The following NOLC1 variants were observed in gnomAD, a reference collection of about 807,000 sequenced individuals.
The protein encoded by NOLC1 is nucleolar and coiled-body phosphoprotein 1, also known as 140 kDa nucleolar phosphoprotein.
NOLC1 carries 37 observed loss-of-function variants against 73.4 expected under a neutral mutation model. The ratio of observed to expected loss-of-function variants is 0.50; its 90% confidence interval spans 0.39 to 0.66. The LOEUF is 0.66. NOLC1 is among the 30% of genes least tolerant of loss of function. The pLI, the probability that NOLC1 is intolerant of heterozygous loss-of-function variation, is 0.00. For synonymous variants in NOLC1, 327 were observed against 302.6 expected (o/e 1.08, Z -0.84); for missense variants, 921 against 838.9 (o/e 1.10, Z -1.21).
At position 102,160,605 on chromosome 10, in the gene NOLC1, C is replaced by T. The variant is rs1023578646; in HGVS notation, c.1253C>T (p.Thr418Met). ...QPVGGGQKLL[T>M]RKADSSSSEE... ...GTGGGCGGTGGCCAGAAGCTTCTGA[C>T]GAGAAAGGCTGACAGCAGCTCCAGT... The change falls in exon 10 of 13, where the codon ACG becomes ATG. Residue 418 changes from threonine to methionine, a missense_variant. By Grantham distance (81) the Thr-to-Met change is moderately conservative. Transcript: ENST00000605788. 14 of 1,614,032 alleles carry T rather than the reference C, an allele frequency of 8.7e-6. No homozygotes were observed. The highest frequency in any genetic ancestry group is 1.6e-4 in the Middle Eastern group (1 of 6,084).
chr10:102,158,956 A>G (rs1242237864), intron 5 of NOLC1, among the ~76,000 whole-genome samples: 1 of 149,586 alleles, frequency 6.7e-6, no homozygotes, highest in Non-Finnish European at 1.5e-5. Context: ...TTAGCTGGGC[A>G]TGGTGGTGGG....
Position 102,159,941 on chromosome 10 carries a change from A to G in NOLC1, c.905A>G (p.Lys302Arg). Residue 302 changes from lysine to arginine, a missense_variant, in exon 8 of 13, where the codon AAG becomes AGG. Physicochemically the swap from Lys to Arg is conservative, Grantham distance 26. Coordinates refer to ENST00000605788, the MANE Select transcript of NOLC1 (RefSeq NM_004741.5). The part of the protein sequence containing the change: ...VPPPSAPPPK[K>R]SLGTQPPKKA... Reference sequence around the variant, plus strand: ...CCGCCTTCTGCTCCCCCACCAAAGAAGTCTCTGGGAACCCAGCCTCCCAAG... The same window carrying G: ...CCGCCTTCTGCTCCCCCACCAAAGAGGTCTCTGGGAACCCAGCCTCCCAAG... 6.2e-7 allele frequency: 1 copy of G among 1,609,766 alleles called. No homozygotes were observed. Among genetic ancestry groups the G allele is most frequent in the Non-Finnish European group, 8.5e-7 (1 of 1,178,018 alleles).
intron 1 of NOLC1, among the ~76,000 whole-genome samples, chr10:102,154,665 A>T (rs1385344327): frequency 2.6e-5 from 4 of 152,016 alleles, no homozygotes; most frequent in Non-Finnish European, 5.9e-5. Context: ...AATAGCTGGG[A>T]TTACAGGCGC....
chr10:102,155,006 C>T (rs901770837), intron 1 of NOLC1, among the ~76,000 whole-genome samples: 13 of 151,570 alleles, frequency 8.6e-5, no homozygotes, highest in East Asian at 3.9e-4. Context: ...CAGACATGTA[C>T]CACCACACCT....
chr10:102,157,728 G>A (rs956855971), intron 4 of NOLC1, among the ~76,000 whole-genome samples, 173 bp downstream of exon 4: 1 of 152,180 alleles, frequency 6.6e-6, no homozygotes, highest in African/African-American at 2.4e-5. Flanking sequence ...TGGAAGGGAT[G>A]TGTGAGGTTG....
intron 7 of NOLC1, 82 bp downstream of exon 7, chr10:102,159,650 G>T: frequency 7.3e-7 from 1 of 1,369,052 alleles, no homozygotes; most frequent in Non-Finnish European, 1.0e-6. Flanking sequence ...CCATAGAGGT[G>T]CATGAGCGTC....
chr10:102,153,617 CGG>C (rs916649010), intron 1 of NOLC1, among the ~76,000 whole-genome samples: 1 of 149,924 alleles, frequency 6.7e-6, no homozygotes, highest in African/African-American at 2.4e-5. Context: ...AAGGAGACTG[CGG>C]AGAGTGCTTT....
chr10:102,154,238 ATTTT>A (rs71016366), intron 1 of NOLC1, among the ~76,000 whole-genome samples: 4 of 126,412 alleles, frequency 3.2e-5, no homozygotes, highest in African/African-American at 1.2e-4. Flanking sequence ...TGCCTGGCTA[ATTTT>A]TTTTTTTTTT....
intron 1 of NOLC1, among the ~76,000 whole-genome samples, chr10:102,156,770 T>C (rs1039207993): frequency 6.6e-6 from 1 of 152,056 alleles, no homozygotes; most frequent in Non-Finnish European, 1.5e-5. Flanking sequence ...CTTTGATCAA[T>C]ATAGATTGGC....
At chr10:102,155,392 AAG>A (rs35854290) in intron 1 of NOLC1, among the ~76,000 whole-genome samples, 22 of 151,024 alleles carry the variant, frequency 1.5e-4, no homozygotes, top group Non-Finnish European at 2.4e-4. Flanking sequence ...AAAAAAAAAA[AAG>A]AGAGAGAGAG....
chr10:102,162,210 A>G lies in NOLC1; in HGVS notation c.2041A>G (p.Ser681Gly), dbSNP rs199843207. ...TGAGAAAACCAAGAAGAAGCGGGGC[A>G]GCTACCGGGGAGGCTCAATCTCTGT... ...RHEKTKKKRG[S>G]YRGGSISVQV... is the part of the protein sequence containing the mutation. Residue 681 changes from serine to glycine, a missense_variant, in exon 13 of 13, where the codon AGC becomes GGC. Coordinates refer to ENST00000605788, the MANE Select transcript of NOLC1 (RefSeq NM_004741.5). 3.0e-5 allele frequency: 49 copies of G among 1,614,158 alleles called. No individual in the cohort carries two copies. The highest frequency in any genetic ancestry group is 2.0e-4 in the East Asian group (9 of 44,878).
chr10:102,152,676 C>T (rs1459513378), intron 1 of NOLC1, 146 bp downstream of exon 1: 3 of 1,142,310 alleles, frequency 2.6e-6, no homozygotes, highest in Non-Finnish European at 3.7e-6. Flanking sequence ...CGGCAGTGAC[C>T]AGAGAAAGCC....
chr10:102,152,553 G>A (rs751926786), intron 1 of NOLC1, 23 bp downstream of exon 1: 12 of 1,612,852 alleles, frequency 7.4e-6, no homozygotes, highest in East Asian at 2.2e-5. Context: ...CTTGGGGCGG[G>A]GACCGGGCTG....
At chr10:102,158,363 C>A in intron 5 of NOLC1, 149 bp downstream of exon 5, 1 of 514,762 alleles carries the variant, frequency 1.9e-6, no homozygotes, top group Non-Finnish European at 3.3e-6. Flanking sequence ...AAAGGTTTTA[C>A]TAATAAATAA....
At chr10:102,162,042 TAGAA>T in intron 12 of NOLC1, 65 bp from the exon 13 acceptor site, 1 of 1,602,950 alleles carries the variant, frequency 6.2e-7, no homozygotes. Context: ...GAGCAGGGAG[TAGAA>T]AGAATAAAGT....
In NOLC1 at chr10:102,162,094, C is replaced by T. The variant is rs894631815; in HGVS notation, c.1942-17C>T. 6.2e-7 allele frequency: 1 copy of T among 1,612,626 alleles called. No individual in the cohort carries two copies. Among genetic ancestry groups the T allele is most frequent in the Non-Finnish European group, 8.5e-7 (1 of 1,179,582 alleles). On this transcript the variant is annotated splice_polypyrimidine_tract_variant and intron_variant, in intron 12 of 12. Coordinates refer to ENST00000605788, the MANE Select transcript of NOLC1 (RefSeq NM_004741.5). ...GCATGGTCCTCCTCTGTGTTAATCT[C>T]CCTCTCTACTTACCAGCGAGGTGCA...
At chr10:102,161,467 A>G (rs1179291913) in intron 10 of NOLC1, 89 bp from the exon 11 acceptor site, 3 of 911,544 alleles carry the variant, frequency 3.3e-6, no homozygotes, top group East Asian at 2.6e-5. Context: ...CCTGGGCTCA[A>G]GCGATCCTCC....
At chr10:102,158,007 G>A (rs375361113) in intron 4 of NOLC1, 42 bp from the exon 5 acceptor site, 31 of 1,587,166 alleles carry the variant, frequency 2.0e-5, no homozygotes, top group African/African-American at 6.8e-5. Flanking sequence ...TTGGGTACCC[G>A]GAAGCTTTTG....
chr10:102,159,542 A>G lies in NOLC1; in HGVS notation c.833A>G (p.Gln278Arg), dbSNP rs1237973429. 1 of 1,613,154 alleles carries G rather than the reference A, an allele frequency of 6.2e-7. No homozygotes were observed. The highest frequency in any genetic ancestry group is 1.3e-5 in the African/African-American group (1 of 74,838). Residue 278 changes from glutamine to arginine, a missense_variant, in exon 7 of 13, where the codon CAA becomes CGA. By Grantham distance (43) the Gln-to-Arg change is conservative (BLOSUM62 1). Coordinates refer to ENST00000605788, the MANE Select transcript of NOLC1 (RefSeq NM_004741.5). ...TCCTCCAGTGACGAGGAAGAGGAGC[A>G]AAAAAAACCCATGAAAAATAAACCA... is the stretch of plus-strand genomic sequence containing the variant. ...EDSSSDEEEE[Q>R]KKPMKNKPGP...
Sources: allele counts gnomAD v4.1 joint callset (sites outside exome capture counted in the v4.1 genomes callset), GRCh38; gene constraint gnomAD v4.1.1; transcripts MANE v1.5; gene names NCBI Gene and HGNC (gene_info 2026-07-23, HGNC 2026-07-21).